XKRX: variants seen among roughly 807,000 people sequenced by gnomAD.
XKRX encodes XK-related protein 2.
A neutral mutation model predicts 22.4 loss-of-function variants in XKRX; 11 were observed. That is an observed-to-expected ratio of 0.49 (90% CI 0.31 to 0.81). The LOEUF (loss-of-function observed/expected upper bound fraction) is 0.81, where lower values mean the gene tolerates loss of function less well. Ranked by LOEUF, XKRX falls within the 40% of genes least tolerant of loss-of-function variation. The pLI is 0.05. For synonymous variants in XKRX, 114 were observed against 132.2 expected, an observed-to-expected ratio of 0.86 and a Z score of 0.94; for missense variants, 320 against 336.5, an observed-to-expected ratio of 0.95 and a Z score of 0.38.
the XKRX span, among the ~76,000 whole-genome samples, chrX:100,952,071 GAC>G: frequency 4.5e-5 from 5 of 110,048 alleles, no homozygotes; most frequent in Non-Finnish European, 9.5e-5. Context: ...ATCAGACAAA[GAC>G]AGTACAAATA....
At chrX:100,951,069 C>G in the XKRX span, among the ~76,000 whole-genome samples, 1 of 108,449 alleles carries the variant, frequency 9.2e-6, no homozygotes, top group Non-Finnish European at 1.9e-5. Flanking sequence ...CGTGTCTGTA[C>G]TAAAAATACA....
the XKRX span, among the ~76,000 whole-genome samples, chrX:100,893,210 A>G: frequency 5.4e-5 from 6 of 112,075 alleles, no homozygotes; most frequent in African/African-American, 1.9e-4. Flanking sequence ...CAACATGTAC[A>G]AAGTTTCGGT....
At chrX:100,952,572 C>T in the XKRX span, among the ~76,000 whole-genome samples, 4 of 111,203 alleles carry the variant, frequency 3.6e-5, no homozygotes, top group African/African-American at 6.5e-5. Flanking sequence ...ATAAAATCAT[C>T]CCTATCCTCA....
chrX:100,889,496 C>T, the XKRX span, among the ~76,000 whole-genome samples: 5 of 110,049 alleles, frequency 4.5e-5, no homozygotes, highest in Non-Finnish European at 9.5e-5. Context: ...GTCAGCCTTG[C>T]GAGTAGCCAT....
At chrX:100,908,279 G>A in the XKRX span, among the ~76,000 whole-genome samples, 1 of 110,435 alleles carries the variant, frequency 9.1e-6, no homozygotes, top group Non-Finnish European at 1.9e-5. Flanking sequence ...ACCACGCCTG[G>A]CTAATTTTTT....
rs1405202156 is a variant in XKRX, at chrX:100,914,617, C to T, written c.1071G>A (p.Leu357=). Reference sequence around the variant, plus strand: ...CCAAGACCATGATCACATTCTCTACCAACCTCACACTATAGTGCAGGCCCA... The same window carrying T: ...CCAAGACCATGATCACATTCTCTACTAACCTCACACTATAGTGCAGGCCCA... ...GHMGLHYSVR[L]VENVIMVLVF... is the part of the protein sequence containing the mutation. The change falls in exon 3 of 3, where the codon TTG becomes TTA. Residue 357 remains leucine (L), a synonymous_variant. Coordinates refer to ENST00000372956, the MANE Select transcript of XKRX (RefSeq NM_212559.3). 1 of 1,211,858 alleles carries T rather than the reference C, an allele frequency of 8.3e-7. No homozygotes were observed. The highest frequency in any genetic ancestry group is 1.8e-5 in the South Asian group (1 of 56,955).
the XKRX span, among the ~76,000 whole-genome samples, chrX:100,905,720 T>G: frequency 8.9e-6 from 1 of 112,187 alleles, no homozygotes; most frequent in Non-Finnish European, 1.9e-5. Context: ...AATAGAGAAT[T>G]CATATGTATC....
intron 2 of XKRX, among the ~76,000 whole-genome samples, chrX:100,916,096 C>T (rs1015988384): frequency 9.1e-6 from 1 of 109,690 alleles, no homozygotes; most frequent in African/African-American, 3.3e-5. Context: ...CACACACACA[C>T]ACACACACAC....
the XKRX span, among the ~76,000 whole-genome samples, chrX:100,886,999 T>C: frequency 4.4e-5 from 5 of 112,760 alleles, no homozygotes; most frequent in African/African-American, 1.3e-4. Context: ...TCTATAATTT[T>C]ATCTGGTACC....
At chrX:100,915,235 C>CA in intron 2 of XKRX, 152 bp from the exon 3 acceptor site, 1 of 597,501 alleles carries the variant, frequency 1.7e-6, no homozygotes, top group South Asian at 3.4e-5. Flanking sequence ...GCTATGTAAA[C>CA]AAATAGCATG....
chrX:100,904,911 G>C, the XKRX span, among the ~76,000 whole-genome samples: 1 of 112,234 alleles, frequency 8.9e-6, no homozygotes, highest in Non-Finnish European at 1.9e-5. Flanking sequence ...ACCATATAGA[G>C]AAGGCTAAAC....
In XKRX at chrX:100,928,899, C is replaced by A; in HGVS notation, c.-595G>T. Reference sequence around the variant, plus strand: ...AGCTATCAGCTGGCCCGCTCACCTGCGCGCTCTCAGGACCTTTGCCGAGTC... The same window carrying A: ...AGCTATCAGCTGGCCCGCTCACCTGAGCGCTCTCAGGACCTTTGCCGAGTC... On this transcript the variant is annotated 5_prime_UTR_variant, in exon 1 of 3. Transcript: ENST00000372956. 1.4e-6 allele frequency: 1 copy of A among 733,413 alleles called. No individual in the cohort carries two copies. Among genetic ancestry groups the A allele is most frequent in the Non-Finnish European group, 1.6e-6 (1 of 620,156 alleles). 60.4% of individuals were successfully genotyped at this position (733,413 alleles called of 1,213,427 possible).
At chrX:100,923,155 CT>C in intron 1 of XKRX, 94 bp from the exon 2 acceptor site, 1 of 1,058,209 alleles carries the variant, frequency 9.4e-7, no homozygotes, top group Non-Finnish European at 1.3e-6. Flanking sequence ...GGTTGTGCTA[CT>C]TTATTTTATT....
At chrX:100,894,887 G>A in the XKRX span, among the ~76,000 whole-genome samples, 24 of 112,265 alleles carry the variant, frequency 2.1e-4, no homozygotes, top group Non-Finnish European at 3.6e-4. Flanking sequence ...GTTAGTGCAA[G>A]TTCAGACAGG....
chrX:100,909,960 A>G (rs1389706611), downstream of XKRX, among the ~76,000 whole-genome samples: 1 of 103,478 alleles, frequency 9.7e-6, no homozygotes, highest in Non-Finnish European at 2.0e-5. Flanking sequence ...GTACCGTGCC[A>G]GGAATATAGT....
upstream of XKRX, among the ~76,000 whole-genome samples, chrX:100,932,901 A>G (rs1021531588): frequency 2.7e-5 from 3 of 112,027 alleles, no homozygotes; most frequent in African/African-American, 9.7e-5. Flanking sequence ...ATGGTGGCTC[A>G]CACCTGTAAT....
the XKRX span, among the ~76,000 whole-genome samples, chrX:100,900,926 A>T: frequency 5.6e-5 from 6 of 107,928 alleles, no homozygotes; most frequent in South Asian, 2.5e-3. Flanking sequence ...AGTAGCTGGG[A>T]CTACAGGAGC....
the XKRX span, among the ~76,000 whole-genome samples, chrX:100,958,009 A>G: frequency 0.15 from 16,262 of 111,078 alleles, 1,090 homozygotes; most frequent in Non-Finnish European, 0.21. Flanking sequence ...AGCTTGAAGA[A>G]TCCTTTTCCA....
At chrX:100,892,939 T>C in the XKRX span, among the ~76,000 whole-genome samples, 1 of 111,883 alleles carries the variant, frequency 8.9e-6, no homozygotes, top group South Asian at 3.7e-4. Flanking sequence ...TGTCCACCAG[T>C]GGATGAATGG....
Sources: gnomAD v4.1 joint callset for allele counts (sites outside exome capture counted in the v4.1 genomes callset) on GRCh38, gnomAD v4.1.1 for gene constraint, MANE v1.5 for transcripts, NCBI Gene and HGNC (gene_info 2026-07-23, HGNC 2026-07-21) for gene names.